NLGN4X: variants seen among roughly 807,000 people sequenced by gnomAD.
The protein encoded by NLGN4X is neuroligin-4, X-linked.
Under a neutral mutation model 40.3 loss-of-function variants are expected in NLGN4X, and 3 were observed. The observed-to-expected ratio is 0.07, with a 90% confidence interval of 0.03 to 0.19. The LOEUF (loss-of-function observed/expected upper bound fraction) is 0.19. Among genes scored for constraint, NLGN4X ranks in the 10% least tolerant of loss-of-function variants. The pLI, the probability that NLGN4X is intolerant of heterozygous loss-of-function variation, is 1.00. For missense variants in NLGN4X, 382 were observed against 708.3 expected, an observed-to-expected ratio of 0.54 and a Z score of 5.23; for synonymous variants, 270 against 306.8, an observed-to-expected ratio of 0.88 and a Z score of 1.25.
chrX:6,057,652 T>A (rs187809630), intron 2 of NLGN4X, among the ~76,000 whole-genome samples: 51 of 112,178 alleles, frequency 4.5e-4, no homozygotes, highest in African/African-American at 1.6e-3. Flanking sequence ...TATGCTGTGG[T>A]CATTGTTACA....
chrX:6,143,387 G>A (rs1285321672), intron 2 of NLGN4X, among the ~76,000 whole-genome samples: 2 of 112,409 alleles, frequency 1.8e-5, no homozygotes, highest in East Asian at 2.8e-4. Flanking sequence ...AGCTTAAGGT[G>A]TAGCCGGAAG....
intron 3 of NLGN4X, among the ~76,000 whole-genome samples, chrX:6,020,905 A>G (rs1231854378): frequency 9.1e-6 from 1 of 110,212 alleles, no homozygotes; most frequent in East Asian, 2.9e-4. Context: ...TCGAACTCCT[A>G]GGCTCAAGCA....
intron 2 of NLGN4X, among the ~76,000 whole-genome samples, chrX:6,029,790 C>A (rs1351771561): frequency 9.0e-6 from 1 of 111,398 alleles, no homozygotes; most frequent in Non-Finnish European, 1.9e-5. Flanking sequence ...ACATGGGACC[C>A]TTGATGAAAT....
chrX:5,952,331 G>A (rs776143425), intron 3 of NLGN4X, among the ~76,000 whole-genome samples: 32 of 112,054 alleles, frequency 2.9e-4, no homozygotes, highest in Non-Finnish European at 4.7e-4. Context: ...GAATGTGGAT[G>A]TGATGTTAGG....
chrX:5,975,659 A>G (rs2035157222), intron 3 of NLGN4X, among the ~76,000 whole-genome samples: 1 of 109,615 alleles, frequency 9.1e-6, no homozygotes, highest in South Asian at 3.9e-4. Flanking sequence ...CTTTGTATTA[A>G]TATATTAGAA....
chrX:5,911,608 C>CATTT (rs775238195), intron 3 of NLGN4X, among the ~76,000 whole-genome samples: 7 of 112,149 alleles, frequency 6.2e-5, no homozygotes, highest in Non-Finnish European at 9.4e-5. Context: ...ATGGCATTTT[C>CATTT]ATTTATTGCA....
chrX:5,915,285 A>G (rs999919580), intron 3 of NLGN4X, among the ~76,000 whole-genome samples: 17 of 112,154 alleles, frequency 1.5e-4, no homozygotes, highest in African/African-American at 5.5e-4. Context: ...CAGTATTTTC[A>G]TAAAAGATAA....
rs749574818 is a variant in NLGN4X at position 6,225,689 on chromosome X, C to CTTTTTTTTTTTTTT, written c.-306+2838_-306+2851dup. On this transcript the variant is annotated intron_variant, in intron 1 of 5. Transcript: ENST00000381095. ...TTTCCTTTTTTTTCTTTCTTTTTTT[C>CTTTTTTTTTTTTTT]TTTTTTTTTTTTTTTTTTTTTTTTT... is the stretch of plus-strand genomic sequence containing the variant. Among the ~76,000 whole-genome samples, 147 of 26,902 alleles carry CTTTTTTTTTTTTTT rather than the reference C, an allele frequency of 5.5e-3. 20 individuals are homozygous for CTTTTTTTTTTTTTT. The highest frequency in any genetic ancestry group is 6.3e-3 in the Non-Finnish European group (97 of 15,483). The allele number at this position is 26,902 out of a possible 115,157, so 23.4% of individuals were successfully genotyped here.
At chrX:6,057,895 C>T (rs2037674129) in intron 2 of NLGN4X, among the ~76,000 whole-genome samples, 1 of 111,579 alleles carries the variant, frequency 9.0e-6, no homozygotes, top group Non-Finnish European at 1.9e-5. Flanking sequence ...TACACACTCA[C>T]CATCAGAGAC....
At chrX:6,132,445 T>C (rs1461071047) in intron 2 of NLGN4X, among the ~76,000 whole-genome samples, 4 of 111,460 alleles carry the variant, frequency 3.6e-5, no homozygotes, top group African/African-American at 1.3e-4. Context: ...TTCTCTGCTG[T>C]GTGAGTCGTT....
intron 1 of NLGN4X, among the ~76,000 whole-genome samples, chrX:6,176,347 T>G (rs2040734121): frequency 8.9e-6 from 1 of 112,740 alleles, no homozygotes; most frequent in African/African-American, 3.2e-5. Context: ...TAACTCTCAC[T>G]GTTTGTCTTT....
intron 2 of NLGN4X, among the ~76,000 whole-genome samples, chrX:6,120,470 A>C (rs2039398562): frequency 8.9e-6 from 1 of 111,925 alleles, no homozygotes; most frequent in African/African-American, 3.2e-5. Flanking sequence ...CCATGAATTA[A>C]AGATCTCGCA....
intron 3 of NLGN4X, among the ~76,000 whole-genome samples, chrX:5,971,376 T>C (rs1325864584): frequency 9.0e-6 from 1 of 110,659 alleles, no homozygotes; most frequent in Non-Finnish European, 1.9e-5. Flanking sequence ...ATGAATTCTG[T>C]CCACTGAGTC....
chrX:5,939,501 C>A (rs781074351), intron 3 of NLGN4X, among the ~76,000 whole-genome samples: 209 of 111,220 alleles, frequency 1.9e-3, no homozygotes, highest in African/African-American at 6.6e-3. Context: ...AATAAATTGG[C>A]TGAATTACTA....
chrX:5,970,087 TG>T (rs1207405300), intron 3 of NLGN4X, among the ~76,000 whole-genome samples: 1 of 109,362 alleles, frequency 9.1e-6, no homozygotes, highest in African/African-American at 3.3e-5. Context: ...GACGAGTTAC[TG>T]GGTGCAGCAC....
chrX:6,197,407 A>G (rs1923190790), intron 1 of NLGN4X, among the ~76,000 whole-genome samples: 1 of 90,775 alleles, frequency 1.1e-5, no homozygotes, highest in Non-Finnish European at 2.5e-5. Flanking sequence ...GACTACAGGC[A>G]TGCACCACCA....
chrX:6,038,157 G>A (rs1368387427), intron 2 of NLGN4X, among the ~76,000 whole-genome samples: 1 of 111,860 alleles, frequency 8.9e-6, no homozygotes, highest in African/African-American at 3.2e-5. Context: ...TGCTGTTCCT[G>A]GTAGGAGAGT....
At chrX:5,988,170 G>A (rs1414786526) in intron 3 of NLGN4X, among the ~76,000 whole-genome samples, 1 of 112,170 alleles carries the variant, frequency 8.9e-6, no homozygotes, top group African/African-American at 3.2e-5. Context: ...AGTAGCAGCA[G>A]CTGATGAATA....
At chrX:6,028,661 A>G (rs2036772381) in intron 3 of NLGN4X, among the ~76,000 whole-genome samples, 1 of 93,617 alleles carries the variant, frequency 1.1e-5, no homozygotes, top group Admixed American at 1.1e-4. Context: ...TCCATCTCAA[A>G]GAAAAAAAAA....
Sources: allele counts gnomAD v4.1 joint callset (sites outside exome capture counted in the v4.1 genomes callset), GRCh38; gene constraint gnomAD v4.1.1; transcripts MANE v1.5; gene names NCBI Gene and HGNC (gene_info 2026-07-23, HGNC 2026-07-21).